The following RALA variants were observed in gnomAD, a reference collection of about 807,000 sequenced individuals.
RALA encodes RAS like proto-oncogene A, also known as ras-related protein Ral-A.
In RALA, 5 loss-of-function variants were observed where a neutral mutation model predicts 24.0. That is an observed-to-expected ratio of 0.21 (90% confidence interval 0.11 to 0.44). RALA has a LOEUF of 0.44. Among genes scored for constraint, RALA ranks in the 20% least tolerant of loss-of-function variants. RALA has a pLI of 0.99. For missense variants in RALA, 95 were observed against 241.2 expected, an observed-to-expected ratio of 0.39 and a Z score of 4.01; for synonymous variants, 77 against 83.8, an observed-to-expected ratio of 0.92 and a Z score of 0.44.
intron 1 of RALA, among the ~76,000 whole-genome samples, chr7:39,625,324 T>C (rs1024359595): frequency 5.3e-5 from 8 of 152,246 alleles, no homozygotes; most frequent in African/African-American, 1.7e-4. Context: ...CTGGGCATTA[T>C]AACTTGTATT....
At chr7:39,628,980 T>G (rs899367125) in intron 1 of RALA, among the ~76,000 whole-genome samples, 1 of 152,256 alleles carries the variant, frequency 6.6e-6, no homozygotes, top group Non-Finnish European at 1.5e-5. Context: ...TTAACTGCTA[T>G]CGTGTATGTA....
chr7:39,668,094 A>G (rs1441229548), intron 1 of RALA, among the ~76,000 whole-genome samples: 1 of 152,262 alleles, frequency 6.6e-6, no homozygotes, highest in African/African-American at 2.4e-5. Context: ...CAAAATAAAT[A>G]CTACATAGAA....
chr7:39,704,610 G>T (rs1055493795), intron 4 of RALA, among the ~76,000 whole-genome samples: 3 of 151,924 alleles, frequency 2.0e-5, no homozygotes, highest in African/African-American at 7.2e-5. Context: ...GAACCACCAC[G>T]CCTGGCCAGT....
intron 2 of RALA, among the ~76,000 whole-genome samples, chr7:39,687,964 C>T (rs1166945946): frequency 6.6e-6 from 1 of 152,004 alleles, no homozygotes. Context: ...TAAATAGAGA[C>T]CAGGTTCTCA....
chr7:39,684,620 A>G (rs1415403628), intron 1 of RALA, among the ~76,000 whole-genome samples: 2 of 151,316 alleles, frequency 1.3e-5, no homozygotes, highest in East Asian at 1.9e-4. Flanking sequence ...ACCTAAAAGC[A>G]GGGGTGTCCA....
chr7:39,648,288 T>C (rs6969070), intron 1 of RALA, among the ~76,000 whole-genome samples: 101,997 of 152,032 alleles, frequency 0.67, 34,885 homozygotes, highest in African/African-American at 0.8. Context: ...CCCATTGACT[T>C]ATACTCTAGT....
chr7:39,626,155 T>C (rs901382627), intron 1 of RALA, among the ~76,000 whole-genome samples: 1 of 152,242 alleles, frequency 6.6e-6, no homozygotes, highest in Non-Finnish European at 1.5e-5. Flanking sequence ...ATTACCACTA[T>C]ACAGAGGTTA....
At chr7:39,664,609 A>G (rs568812285) in intron 1 of RALA, among the ~76,000 whole-genome samples, 7 of 152,170 alleles carry the variant, frequency 4.6e-5, no homozygotes, top group African/African-American at 9.7e-5. Context: ...GAGGACCCCA[A>G]TAGAGGAACA....
intron 3 of RALA, among the ~76,000 whole-genome samples, chr7:39,696,118 C>G (rs1432423421): frequency 1.3e-5 from 2 of 152,182 alleles, no homozygotes; most frequent in Non-Finnish European, 2.9e-5. Context: ...AAATTGATGA[C>G]ACTTTCACAG....
intron 1 of RALA, among the ~76,000 whole-genome samples, chr7:39,681,691 C>T (rs1316961182): frequency 1.3e-5 from 2 of 152,060 alleles, no homozygotes; most frequent in Non-Finnish European, 2.9e-5. Flanking sequence ...GCCACTTTCT[C>T]GTATCTATCT....
chr7:39,667,032 C>T (rs569814108), intron 1 of RALA, among the ~76,000 whole-genome samples: 1 of 152,302 alleles, frequency 6.6e-6, no homozygotes, highest in South Asian at 2.1e-4. Flanking sequence ...CTCTTCTCTC[C>T]TATTTCTGCC....
chr7:39,628,376 TACACAC>T (rs36095637), intron 1 of RALA, among the ~76,000 whole-genome samples: 35,527 of 144,966 alleles, frequency 0.25, 4,281 homozygotes, highest in South Asian at 0.33. Context: ...ACCTCATAAC[TACACAC>T]ACACACACAC....
chr7:39,635,290 G>A (rs1056505391), intron 1 of RALA, among the ~76,000 whole-genome samples: 4 of 152,276 alleles, frequency 2.6e-5, no homozygotes, highest in Non-Finnish European at 4.4e-5. Context: ...TGGGAGGATC[G>A]CTTGAGCCCA....
chr7:39,663,354 A>G (rs1391075600), intron 1 of RALA, among the ~76,000 whole-genome samples: 1 of 152,210 alleles, frequency 6.6e-6, no homozygotes, highest in Non-Finnish European at 1.5e-5. Context: ...AATGTTGCAA[A>G]TACCTACTTC....
intron 1 of RALA, among the ~76,000 whole-genome samples, chr7:39,649,508 C>T (rs1360236758): frequency 6.6e-6 from 1 of 152,134 alleles, no homozygotes; most frequent in East Asian, 1.9e-4. Flanking sequence ...ACTAGCTAGG[C>T]CCTTTTTTGC....
At chr7:39,702,070 C>T (rs1793038875) in intron 4 of RALA, among the ~76,000 whole-genome samples, 1 of 151,912 alleles carries the variant, frequency 6.6e-6, no homozygotes, top group African/African-American at 2.4e-5. Context: ...AGTTTTATGT[C>T]GAGGGAAGAA....
At chr7:39,692,923 A>G (rs1000432371) in intron 3 of RALA, among the ~76,000 whole-genome samples, 12 of 152,210 alleles carry the variant, frequency 7.9e-5, no homozygotes, top group African/African-American at 2.9e-4. Context: ...GAAACAACAG[A>G]TGCTGGAGAG....
At position 39,656,649 on chromosome 7, in the gene RALA, T is replaced by G. The variant is rs538542840; in HGVS notation, c.-37-29982T>G. 6.6e-5 allele frequency among the ~76,000 whole-genome samples: 10 copies of G among 152,326 alleles called. No homozygotes were observed. In the East Asian group the frequency reaches 1.9e-3, roughly 29 times the overall value. ...ATAACATGAAACTGTTAGGTTATATTGTGGCTAATCCTGAAGGAAGTTAGT... is the reference window on the plus strand; with the variant it reads ...ATAACATGAAACTGTTAGGTTATATGGTGGCTAATCCTGAAGGAAGTTAGT... On this transcript the variant is annotated intron_variant, in intron 1 of 4. Transcript: ENST00000005257.
intron 1 of RALA, among the ~76,000 whole-genome samples, chr7:39,664,754 A>G (rs1792254889): frequency 1.3e-5 from 2 of 152,160 alleles, no homozygotes; most frequent in Admixed American, 6.5e-5. Flanking sequence ...TGACTTCACA[A>G]GATTTATGAC....
Sources: allele counts gnomAD v4.1 joint callset (sites outside exome capture counted in the v4.1 genomes callset), GRCh38; gene constraint gnomAD v4.1.1; transcripts MANE v1.5; gene names NCBI Gene and HGNC (gene_info 2026-07-23, HGNC 2026-07-21).